The following CNOT6L variants were observed in gnomAD, a reference collection of about 807,000 sequenced individuals.
CNOT6L encodes the protein CCR4-NOT transcription complex subunit 6-like.
In CNOT6L, 7 loss-of-function variants were observed where a neutral mutation model predicts 64.0. The ratio of observed to expected loss-of-function variants is 0.11; its 90% CI spans 0.06 to 0.21. The LOEUF (loss-of-function observed/expected upper bound fraction) is 0.21. CNOT6L is among the 10% of genes least tolerant of loss of function. The pLI, the probability that CNOT6L is intolerant of heterozygous loss-of-function variation, is 1.00. For missense variants in CNOT6L, 245 were observed against 669.0 expected, an observed-to-expected ratio of 0.37 and a Z score of 6.99; for synonymous variants, 193 against 243.4, an observed-to-expected ratio of 0.79 and a Z score of 1.93.
At chr4:77,748,465 T>C in intron 5 of CNOT6L, 81 bp from the exon 6 acceptor site, 1 of 909,678 alleles carries the variant, frequency 1.1e-6, no homozygotes, top group Non-Finnish European at 1.8e-6. Context: ...AAAACACTTC[T>C]GTTTTCTATT....
chr4:77,776,222 T>C, intron 2 of CNOT6L, 49 bp downstream of exon 2: 1 of 1,578,032 alleles, frequency 6.3e-7, no homozygotes, highest in Non-Finnish European at 8.6e-7. Context: ...ACTCAACTTT[T>C]GTATTATCAC....
At chr4:77,735,149 G>GACT (rs1358201869) in intron 8 of CNOT6L, among the ~76,000 whole-genome samples, 7 of 152,140 alleles carry the variant, frequency 4.6e-5, no homozygotes, top group African/African-American at 1.7e-4. Context: ...GCCCCTTGTG[G>GACT]TTTAACTCTC....
chr4:77,715,340 T>C lies in CNOT6L; in HGVS notation c.*5091A>G, dbSNP rs1269478853. 2 of 152,122 alleles carry C rather than the reference T, an allele frequency of 1.3e-5. No homozygotes were observed. Among genetic ancestry groups the C allele is most frequent in the Admixed American group, 6.6e-5 (1 of 15,240 alleles). 9.4% of individuals were successfully genotyped at this position (152,122 alleles called of 1,614,324 possible). On this transcript the variant is annotated 3_prime_UTR_variant, in exon 12 of 12. Coordinates refer to ENST00000504123, the MANE Select transcript of CNOT6L (RefSeq NM_144571.3). ...ATGCAGTTCAATGCTACTCAGTTTA[T>C]ACAATGTACCATAAAAAAAAATTAA...
At chr4:77,794,727 C>T (rs1390708828) in intron 1 of CNOT6L, among the ~76,000 whole-genome samples, 1 of 152,182 alleles carries the variant, frequency 6.6e-6, no homozygotes, top group Non-Finnish European at 1.5e-5. Context: ...AGGATGTTAG[C>T]TCTCACTTCT....
intron 1 of CNOT6L, among the ~76,000 whole-genome samples, chr4:77,804,296 G>C (rs1731965954): frequency 6.6e-6 from 1 of 151,938 alleles, no homozygotes; most frequent in Admixed American, 6.6e-5. Context: ...AGGCGTGGTG[G>C]TGGGCTCCTG....
At chr4:77,729,166 C>A in intron 9 of CNOT6L, 85 bp from the exon 10 acceptor site, 1 of 900,824 alleles carries the variant, frequency 1.1e-6, no homozygotes, top group Non-Finnish European at 1.8e-6. Context: ...TCAATATGAT[C>A]CACAGCTACT....
At chr4:77,786,478 A>G (rs1160285104) in intron 1 of CNOT6L, among the ~76,000 whole-genome samples, 1 of 152,010 alleles carries the variant, frequency 6.6e-6, no homozygotes. Context: ...GTAAATTAAA[A>G]AAAAATTTTT....
At chr4:77,787,158 C>T (rs994123446) in intron 1 of CNOT6L, among the ~76,000 whole-genome samples, 1 of 151,902 alleles carries the variant, frequency 6.6e-6, no homozygotes, top group African/African-American at 2.4e-5. Flanking sequence ...TCCAGCTACT[C>T]GGGAGGCTGA....
intron 1 of CNOT6L, among the ~76,000 whole-genome samples, chr4:77,809,979 ATT>A (rs1732723837): frequency 6.6e-6 from 1 of 152,104 alleles, no homozygotes; most frequent in South Asian, 2.1e-4. Context: ...CGAGTTTCTC[ATT>A]TGTCTTATTT....
chr4:77,787,948 T>C (rs918290899), intron 1 of CNOT6L, among the ~76,000 whole-genome samples: 2 of 152,238 alleles, frequency 1.3e-5, no homozygotes, highest in African/African-American at 2.4e-5. Context: ...GCCTCAGATA[T>C]ATGCCTTCAA....
intron 1 of CNOT6L, among the ~76,000 whole-genome samples, chr4:77,791,671 T>C (rs1560427851): frequency 6.6e-6 from 1 of 152,044 alleles, no homozygotes; most frequent in Non-Finnish European, 1.5e-5. Context: ...TTTTTCTAAG[T>C]TTTTTTTCAT....
chr4:77,768,199 T>C (rs1727082560), intron 4 of CNOT6L, among the ~76,000 whole-genome samples: 2 of 151,928 alleles, frequency 1.3e-5, no homozygotes, highest in Non-Finnish European at 1.5e-5. Context: ...GCGTGGTGGC[T>C]CACACCTGTA....
chr4:77,776,912 C>CA (rs1728212304), intron 1 of CNOT6L, among the ~76,000 whole-genome samples: 1 of 152,134 alleles, frequency 6.6e-6, no homozygotes, highest in African/African-American at 2.4e-5. Context: ...TGGTCATAAA[C>CA]AAAGAAGAAT....
chr4:77,748,313 T>C lies in CNOT6L; in HGVS notation c.559+3A>G, dbSNP rs558370602. On this transcript the variant is annotated splice_donor_region_variant and intron_variant, in intron 6 of 11. Coordinates refer to ENST00000504123, the MANE Select transcript of CNOT6L (RefSeq NM_144571.3). ...AAAAGGAAGAATAAGAAAAACTATT[T>C]ACCTGACGGCAGAATTTGGTCTCGT... is the stretch of plus-strand genomic sequence containing the variant. 121 of 1,593,210 alleles carry C rather than the reference T, an allele frequency of 7.6e-5. 1 individual carries two copies. The South Asian group carries it at 1.2e-3, about 15-fold the overall frequency.
At chr4:77,800,665 G>A (rs1171653571) in intron 1 of CNOT6L, among the ~76,000 whole-genome samples, 3 of 152,200 alleles carry the variant, frequency 2.0e-5, no homozygotes, top group Non-Finnish European at 4.4e-5. Flanking sequence ...GTAAAGAGGT[G>A]TTAAAACTAG....
intron 1 of CNOT6L, among the ~76,000 whole-genome samples, chr4:77,782,951 A>G (rs1729031575): frequency 6.6e-6 from 1 of 152,104 alleles, no homozygotes; most frequent in African/African-American, 2.4e-5. Flanking sequence ...CAATCACAAG[A>G]GCTTAAATGA....
rs904703690 is a variant in CNOT6L at position 77,731,265 on chromosome 4, A to C, written c.1024+122T>G. 5 of 848,384 alleles carry C rather than the reference A, an allele frequency of 5.9e-6. No homozygotes were observed. The African/African-American group carries it at 8.5e-5, about 14-fold the overall frequency. The allele number at this position is 848,384 out of a possible 1,614,324, so 52.6% of individuals were successfully genotyped here. On this transcript the variant is annotated intron_variant, in intron 9 of 11. Coordinates refer to ENST00000504123, the MANE Select transcript of CNOT6L (RefSeq NM_144571.3). ...TGCTATTTTCCTGCCCATCTCCCTT[A>C]ACTTTCCTCAAAAGAAAATAACTTT...
At chr4:77,785,518 TG>T (rs749851214) in intron 1 of CNOT6L, among the ~76,000 whole-genome samples, 19 of 151,450 alleles carry the variant, frequency 1.3e-4, no homozygotes, top group Non-Finnish European at 2.2e-4. Flanking sequence ...AACACGTATC[TG>T]AAAAAAAAAC....
intron 1 of CNOT6L, among the ~76,000 whole-genome samples, chr4:77,793,956 G>A (rs1258970626): frequency 2.0e-5 from 3 of 151,620 alleles, no homozygotes; most frequent in Non-Finnish European, 2.9e-5. Flanking sequence ...TTCGAGACCA[G>A]CCTGGCCAAC....
Sources: allele counts gnomAD v4.1 joint callset (sites outside exome capture counted in the v4.1 genomes callset), GRCh38; gene constraint gnomAD v4.1.1; transcripts MANE v1.5; gene names NCBI Gene and HGNC (gene_info 2026-07-23, HGNC 2026-07-21).